Variants in NT5C1A observed in about 807,000 individuals in gnomAD.
The protein encoded by NT5C1A is 5'-nucleotidase, cytosolic IA, also known as cytosolic 5'-nucleotidase 1A.
In NT5C1A, 18 loss-of-function variants were observed where a neutral mutation model predicts 31.0. The observed-to-expected ratio is 0.58, with a 90% confidence interval of 0.40 to 0.86. The LOEUF (loss-of-function observed/expected upper bound fraction) is 0.86. NT5C1A is among the 40% of genes least tolerant of loss of function. The probability of loss-of-function intolerance (pLI) is 0.00; values close to 1 mark genes in which losing one functional copy is unlikely to be tolerated. For synonymous variants in NT5C1A, 185 were observed against 203.6 expected (o/e 0.91, Z 0.78); for missense variants, 470 against 505.4 (o/e 0.93, Z 0.67).
intron 1 of NT5C1A, among the ~76,000 whole-genome samples, chr1:39,669,009 C>T (rs1196955812): frequency 1.3e-5 from 2 of 152,232 alleles, no homozygotes; most frequent in African/African-American, 2.4e-5. Context: ...CATAGAGACC[C>T]TCCTGGGCCT....
rs964262457 is a variant in NT5C1A, at chr1:39,652,469, T to C, written c.*6652A>G. 2.6e-5 allele frequency among the ~76,000 whole-genome samples: 4 copies of C among 152,140 alleles called. No homozygotes were observed. The highest frequency in any genetic ancestry group is 9.7e-5 in the African/African-American group (4 of 41,426). The stretch of plus-strand genomic sequence containing the variant: ...GCTTAATCCTCTCCACTCATTTATG[T>C]TTCCTGCCTCGCCCCTGTAGGCATT... On this transcript the variant is annotated 3_prime_UTR_variant, in exon 6 of 6. Coordinates refer to ENST00000235628, the MANE Select transcript of NT5C1A (RefSeq NM_032526.3).
At position 39,663,446 on chromosome 1, in the gene NT5C1A, G is replaced by A; in HGVS notation, c.434-12C>T. On this transcript the variant is annotated splice_polypyrimidine_tract_variant and intron_variant, in intron 3 of 5. Transcript: ENST00000235628. ...CTCGATGAACAGGTCTGGGAAGGAG[G>A]TAAAGGACCCAGGTGAGGCCAGGGT... The A allele has an allele frequency of 1.2e-6, 2 of 1,613,850 alleles. No homozygotes were observed. The highest frequency in any genetic ancestry group is 1.7e-4 in the Middle Eastern group (1 of 6,014).
At chr1:39,659,999 C>T (rs1035466129) in intron 5 of NT5C1A, among the ~76,000 whole-genome samples, 3 of 152,174 alleles carry the variant, frequency 2.0e-5, no homozygotes, top group African/African-American at 4.8e-5. Context: ...TTATTCTCTA[C>T]AGTGCCCAGA....
rs528329250 is a variant in NT5C1A at position 39,656,424 on chromosome 1, C to A, written c.*2697G>T. Reference sequence around the variant, plus strand: ...ATTCCAGTGACTGAAAGCTTTTTTCCAGGCCTGAGATGCTCATTTGTGATT... The same window carrying A: ...ATTCCAGTGACTGAAAGCTTTTTTCAAGGCCTGAGATGCTCATTTGTGATT... On this transcript the variant is annotated 3_prime_UTR_variant, in exon 6 of 6. Transcript: ENST00000235628. Among the ~76,000 whole-genome samples the A allele has an allele frequency of 2.5e-4, 38 of 152,284 alleles. No individual in the cohort carries two copies. Among genetic ancestry groups the A allele is most frequent in the African/African-American group, 8.2e-4 (34 of 41,562 alleles).
In NT5C1A at chr1:39,656,508, T is replaced by C. The variant is rs1257246868; in HGVS notation, c.*2613A>G. The stretch of plus-strand genomic sequence containing the variant: ...CATTGCCCAGGGCTGTCTGTGTCTA[T>C]TAATGATGGCTCCAGTGAAATCCAT... On this transcript the variant is annotated 3_prime_UTR_variant, in exon 6 of 6. Transcript: ENST00000235628. Among the ~76,000 whole-genome samples, 2 of 152,250 alleles carry C rather than the reference T, an allele frequency of 1.3e-5. No individual in the cohort carries two copies. Among genetic ancestry groups the C allele is most frequent in the African/African-American group, 4.8e-5 (2 of 41,472 alleles).
Position 39,666,107 on chromosome 1 carries a change from C to T in NT5C1A, c.265G>A (p.Glu89Lys), listed in dbSNP as rs778318977. ...AAGGCTGGCCCGGGACTGAAGGGTT[C>T]GTTCTCATGTTCCAGCTGGTAGCGC... is the stretch of plus-strand genomic sequence containing the variant. Reference protein sequence around the residue: ...YVRYQLEHENEPFSPGPAFPF... With the variant: ...YVRYQLEHENKPFSPGPAFPF... The change falls in exon 2 of 6, where the codon GAA (glutamate) becomes AAA (lysine). Residue 89 changes from glutamate (E) to lysine (K), a missense_variant. Coordinates refer to ENST00000235628, the MANE Select transcript of NT5C1A (RefSeq NM_032526.3). 8.1e-6 allele frequency: 13 copies of T among 1,613,544 alleles called. No individual in the cohort carries two copies. Among genetic ancestry groups the T allele is most frequent in the South Asian group, 2.2e-5 (2 of 91,074 alleles).
intron 5 of NT5C1A, 77 bp downstream of exon 5, chr1:39,661,002 G>A: frequency 1.2e-6 from 1 of 817,530 alleles, no homozygotes; most frequent in Non-Finnish European, 2.0e-6. Flanking sequence ...TTTGCTTCCA[G>A]GCTGGGAGTG....
rs1189260609 is a variant in NT5C1A, at chr1:39,655,757, G to A, written c.*3364C>T. Among the ~76,000 whole-genome samples, 4 of 151,850 alleles carry A rather than the reference G, an allele frequency of 2.6e-5. No homozygotes were observed. Among genetic ancestry groups the A allele is most frequent in the African/African-American group, 9.7e-5 (4 of 41,426 alleles). On this transcript the variant is annotated 3_prime_UTR_variant, in exon 6 of 6. Coordinates refer to ENST00000235628, the MANE Select transcript of NT5C1A (RefSeq NM_032526.3). ...GCCATAGTGCCGCTGCAGCCTCCTA[G>A]AGGCTGCATTGTGGGAAAATGGAGC... is the stretch of plus-strand genomic sequence containing the variant.
rs569165453 is a variant in NT5C1A at position 39,652,191 on chromosome 1, T to G, written c.*6930A>C. On this transcript the variant is annotated 3_prime_UTR_variant, in exon 6 of 6. Transcript: ENST00000235628. ...CTCAGACTCTCAGTGACTTGGGTCT[T>G]AAAAACCCAAGTCTCTGGGCCTGGG... 3.9e-5 allele frequency among the ~76,000 whole-genome samples: 6 copies of G among 152,118 alleles called. No individual in the cohort carries two copies. In the South Asian group the frequency reaches 8.3e-4, roughly 21 times the overall value.
At position 39,651,858 on chromosome 1, in the gene NT5C1A, C is replaced by T. The variant is rs370381728; in HGVS notation, c.*7263G>A. Among the ~76,000 whole-genome samples the T allele has an allele frequency of 1.3e-5, 2 of 151,262 alleles. No individual in the cohort carries two copies. Among genetic ancestry groups the T allele is most frequent in the East Asian group, 3.9e-4 (2 of 5,144 alleles). ...CAGCCTGGCCAATATGGTGAAACCC[C>T]ATCTCTACTAAAAATACAAAAAATT... On this transcript the variant is annotated 3_prime_UTR_variant, in exon 6 of 6. Transcript: ENST00000235628.
At chr1:39,659,613 C>T (rs1646480123) in intron 5 of NT5C1A, 127 bp from the exon 6 acceptor site, 1 of 1,211,156 alleles carries the variant, frequency 8.3e-7, no homozygotes, top group Non-Finnish European at 1.1e-6. Flanking sequence ...TTTCAGTTAG[C>T]TCTGCTTATG....
At chr1:39,668,158 G>A (rs1215901219) in intron 1 of NT5C1A, among the ~76,000 whole-genome samples, 3 of 152,222 alleles carry the variant, frequency 2.0e-5, no homozygotes, top group African/African-American at 7.2e-5. Flanking sequence ...GTTGGTGGTG[G>A]AGTGGGGAGA....
chr1:39,662,555 A>T (rs554962562), intron 4 of NT5C1A, among the ~76,000 whole-genome samples: 1 of 152,202 alleles, frequency 6.6e-6, no homozygotes, highest in East Asian at 1.9e-4. Flanking sequence ...TATCAGGGGG[A>T]GAGGGGCCAG....
rs989054221 is a variant in NT5C1A at position 39,653,631 on chromosome 1, G to A, written c.*5490C>T. On this transcript the variant is annotated 3_prime_UTR_variant, in exon 6 of 6. Transcript: ENST00000235628. ...TGGGGAGAGTCCAGCGCAGCACTAA[G>A]TCAGTGGGAGAGAAAAGTAAATCAG... Among the ~76,000 whole-genome samples the A allele has an allele frequency of 1.3e-5, 2 of 152,194 alleles. No homozygotes were observed. The highest frequency in any genetic ancestry group is 2.4e-5 in the African/African-American group (1 of 41,442).
At position 39,657,627 on chromosome 1, in the gene NT5C1A, G is replaced by A. The variant is rs1646470532; in HGVS notation, c.*1494C>T. Among the ~76,000 whole-genome samples the A allele has an allele frequency of 6.6e-6, 1 of 152,232 alleles. No individual in the cohort carries two copies. Among genetic ancestry groups the A allele is most frequent in the African/African-American group, 2.4e-5 (1 of 41,456 alleles). ...AGAGCCAGGGATGCTCAGCAAAGGA[G>A]GAGGCTGACTCATCAAGCGGTGAGA... is the stretch of plus-strand genomic sequence containing the variant. On this transcript the variant is annotated 3_prime_UTR_variant, in exon 6 of 6. Transcript: ENST00000235628.
intron 1 of NT5C1A, 73 bp from the exon 2 acceptor site, chr1:39,666,309 C>G (rs1646522027): frequency 6.8e-7 from 1 of 1,473,272 alleles, no homozygotes; most frequent in Admixed American, 1.8e-5. Flanking sequence ...TGTGAGTCTC[C>G]CTGGGTAGTG....
Position 39,656,162 on chromosome 1 carries a change from T to C in NT5C1A, c.*2959A>G, listed in dbSNP as rs1166871381. 6.6e-6 allele frequency among the ~76,000 whole-genome samples: 1 copy of C among 152,196 alleles called. No individual in the cohort carries two copies. Among genetic ancestry groups the C allele is most frequent in the Non-Finnish European group, 1.5e-5 (1 of 68,034 alleles). ...TCCTGGAACCAGTGTTCTGCAGGGC[T>C]TGTTGGGGAAGTGGTGCTCTCAGCT... is the stretch of plus-strand genomic sequence containing the variant. On this transcript the variant is annotated 3_prime_UTR_variant, in exon 6 of 6. Transcript: ENST00000235628.
intron 3 of NT5C1A, among the ~76,000 whole-genome samples, chr1:39,664,983 T>C (rs1258073553): frequency 6.6e-6 from 1 of 152,192 alleles, no homozygotes; most frequent in Admixed American, 6.5e-5. Flanking sequence ...TTTCCTGCCC[T>C]CTGAAAGACA....
chr1:39,665,076 G>T (rs569986445), intron 3 of NT5C1A, among the ~76,000 whole-genome samples: 20 of 152,320 alleles, frequency 1.3e-4, no homozygotes, highest in Admixed American at 7.2e-4. Context: ...TTTAGAATAA[G>T]ACACAAAGCC....
Sources: allele counts gnomAD v4.1 joint callset (sites outside exome capture counted in the v4.1 genomes callset), GRCh38; gene constraint gnomAD v4.1.1; transcripts MANE v1.5; gene names NCBI Gene and HGNC (gene_info 2026-07-23, HGNC 2026-07-21).